CSRNP3: variants seen among roughly 807,000 people sequenced by gnomAD.
CSRNP3 encodes cysteine and serine rich nuclear protein 3.
A neutral mutation model predicts 48.0 loss-of-function variants in CSRNP3; 12 were observed. That is an observed-to-expected ratio of 0.25 (90% CI 0.16 to 0.41). The LOEUF (loss-of-function observed/expected upper bound fraction) is 0.41, where lower values mean the gene tolerates loss of function less well. CSRNP3 is among the 10% of genes least tolerant of loss of function. The pLI is 1.00. For synonymous variants in CSRNP3, 263 were observed against 269.7 expected, an observed-to-expected ratio of 0.98 and a Z score of 0.24; for missense variants, 580 against 724.4, an observed-to-expected ratio of 0.80 and a Z score of 2.29.
chr2:165,506,239 T>C (rs1230109588), intron 2 of CSRNP3, among the ~76,000 whole-genome samples: 1 of 152,200 alleles, frequency 6.6e-6, no homozygotes, highest in Non-Finnish European at 1.5e-5. Flanking sequence ...TCCAACAGTT[T>C]AGATCTCCAG....
At chr2:165,557,454 G>A (rs1006436088) in intron 3 of CSRNP3, among the ~76,000 whole-genome samples, 1 of 152,152 alleles carries the variant, frequency 6.6e-6, no homozygotes, top group African/African-American at 2.4e-5. Flanking sequence ...GGAGTTGAGA[G>A]AGGGAGAAAA....
At chr2:165,556,566 G>A (rs1416481469) in intron 3 of CSRNP3, among the ~76,000 whole-genome samples, 13 of 152,240 alleles carry the variant, frequency 8.5e-5, no homozygotes, top group Admixed American at 7.9e-4. Flanking sequence ...GACCTGCATG[G>A]CAACCAAGAA....
At chr2:165,621,425 T>G (rs1206153143) in intron 4 of CSRNP3, among the ~76,000 whole-genome samples, 1 of 151,620 alleles carries the variant, frequency 6.6e-6, no homozygotes, top group Non-Finnish European at 1.5e-5. Context: ...AACAAAGAAA[T>G]AAAATATGGC....
chr2:165,594,844 T>A (rs1211562332), intron 3 of CSRNP3, among the ~76,000 whole-genome samples, 199 bp from the exon 4 acceptor site: 1 of 152,132 alleles, frequency 6.6e-6, no homozygotes, highest in Non-Finnish European at 1.5e-5. Context: ...GGTAATCAAA[T>A]GGTTAAATAC....
rs1202975305 is a variant in CSRNP3 at position 165,681,755 on chromosome 2, A to G, written c.*2002A>G. The stretch of plus-strand genomic sequence containing the variant: ...TATATATATATATATATATATATAT[A>G]TATATACACACACACACACACATAC... On this transcript the variant is annotated 3_prime_UTR_variant, in exon 7 of 7. Coordinates refer to ENST00000651982, the MANE Select transcript of CSRNP3 (RefSeq NM_001172173.2). 1 of 56,150 alleles carries G rather than the reference A, an allele frequency of 1.8e-5. No individual in the cohort carries two copies. Among genetic ancestry groups the G allele is most frequent in the Non-Finnish European group, 5.0e-5 (1 of 20,030 alleles). The allele number at this position is 56,150 out of a possible 1,614,324, so 3.5% of individuals were successfully genotyped here. A position where few individuals can be genotyped will look rare whatever the true frequency, so the allele number is the denominator to read the frequency against.
At chr2:165,670,012 A>G (rs1386520842) in intron 5 of CSRNP3, among the ~76,000 whole-genome samples, 1 of 152,214 alleles carries the variant, frequency 6.6e-6, no homozygotes, top group Non-Finnish European at 1.5e-5. Flanking sequence ...TCTCTGGATA[A>G]CTGCTATTTA....
intron 3 of CSRNP3, among the ~76,000 whole-genome samples, chr2:165,548,902 G>A (rs1468575491): frequency 2.0e-5 from 3 of 151,288 alleles, no homozygotes; most frequent in Non-Finnish European, 4.4e-5. Flanking sequence ...ACTCCTTTAG[G>A]AATTTCTATT....
chr2:165,654,403 G>A (rs1686968454), intron 4 of CSRNP3, among the ~76,000 whole-genome samples: 1 of 152,108 alleles, frequency 6.6e-6, no homozygotes, highest in Admixed American at 6.6e-5. Flanking sequence ...ATAAATAAAT[G>A]GAAGATTATG....
At position 165,688,886 on chromosome 2, in the gene CSRNP3, TTTA is replaced by T. The variant is rs1687673121; in HGVS notation, c.*9136_*9138del. On this transcript the variant is annotated 3_prime_UTR_variant, in exon 7 of 7. Coordinates refer to ENST00000651982, the MANE Select transcript of CSRNP3 (RefSeq NM_001172173.2). ...GATTAGTTTTATCTTTCAACTGATT[TTTA>T]TTGTTACTTTTACTCAATATCAACA... 6.6e-6 allele frequency: 1 copy of T among 152,188 alleles called. No individual in the cohort carries two copies. Among genetic ancestry groups the T allele is most frequent in the Admixed American group, 6.6e-5 (1 of 15,260 alleles). 9.4% of individuals were successfully genotyped at this position (152,188 alleles called of 1,614,324 possible).
intron 4 of CSRNP3, among the ~76,000 whole-genome samples, chr2:165,608,750 A>G (rs377031635): frequency 6.6e-6 from 1 of 151,072 alleles, no homozygotes; most frequent in East Asian, 2.0e-4. Context: ...TAAAATCCCC[A>G]TATAGATAGC....
rs1337694342 is a variant in CSRNP3 at position 165,676,733 on chromosome 2, A to G, written c.705+125A>G. The G allele has an allele frequency of 2.3e-5, 16 of 701,390 alleles. No individual in the cohort carries two copies. In the East Asian group the frequency reaches 4.2e-4, roughly 18 times the overall value. The allele number at this position is 701,390 out of a possible 1,614,324, so 43.4% of individuals were successfully genotyped here. A position where few individuals can be genotyped will look rare whatever the true frequency, so the allele number is the denominator to read the frequency against. On this transcript the variant is annotated intron_variant, in intron 6 of 6. Transcript: ENST00000651982. ...AGAAAATTTTTTGGCAAGGCAAGAC[A>G]TGTAATTCAGGAAGAAAGACATAAT... is the stretch of plus-strand genomic sequence containing the variant.
intron 3 of CSRNP3, among the ~76,000 whole-genome samples, chr2:165,574,677 G>C (rs991947735): frequency 6.6e-6 from 1 of 152,036 alleles, no homozygotes; most frequent in Non-Finnish European, 1.5e-5. Flanking sequence ...CATTTCGGGG[G>C]TAAGTTCTTT....
At chr2:165,581,747 G>C (rs1031812852) in intron 3 of CSRNP3, among the ~76,000 whole-genome samples, 1 of 152,064 alleles carries the variant, frequency 6.6e-6, no homozygotes, top group African/African-American at 2.4e-5. Context: ...ATGTTGGCCA[G>C]GCTGGTCTCG....
Position 165,595,123 on chromosome 2 carries a change from T to C in CSRNP3, c.58T>C (p.Ser20Pro), listed in dbSNP as rs1208527019. ...EEVDGSSPCS[S>P]VRESDDEVSS... ...AGTTGACGGCTCCTCACCCTGCTCC[T>C]CTGTGAGGGAATCAGATGATGAAGT... Residue 20 changes from serine (S) to proline (P), a missense_variant, in exon 4 of 7, where the codon TCT becomes CCT. Ser to Pro is a moderately conservative substitution (Grantham distance 74). Transcript: ENST00000651982. 6.2e-7 allele frequency: 1 copy of C among 1,614,040 alleles called. No individual in the cohort carries two copies. Among genetic ancestry groups the C allele is most frequent in the Non-Finnish European group, 8.5e-7 (1 of 1,179,894 alleles).
At chr2:165,480,147 T>C (rs2105447986) in intron 1 of CSRNP3, among the ~76,000 whole-genome samples, 1 of 152,284 alleles carries the variant, frequency 6.6e-6, no homozygotes, top group East Asian at 1.9e-4. Context: ...TGTGACCCTT[T>C]CCTACTTCAC....
In CSRNP3 at chr2:165,678,851, C is replaced by G. The variant is rs1477277696; in HGVS notation, c.856C>G (p.Pro286Ala). 3.7e-6 allele frequency: 6 copies of G among 1,613,928 alleles called. No homozygotes were observed. The South Asian group carries it at 6.6e-5, about 18-fold the overall frequency. ...GGAGAAAAACCGAGAGCAGCAAATC[C>G]CCACGCTGAATGGCTGCCACAGTGA... ...ELEKNREQQI[P>A]TLNGCHSEIS... The change falls in exon 7 of 7, where the codon CCC (proline) becomes GCC (alanine). Residue 286 changes from proline to alanine, a missense_variant. Pro to Ala is a conservative substitution (Grantham distance 27). Transcript: ENST00000651982.
At chr2:165,559,303 C>A (rs890170142) in intron 3 of CSRNP3, among the ~76,000 whole-genome samples, 6 of 152,152 alleles carry the variant, frequency 3.9e-5, no homozygotes, top group African/African-American at 7.2e-5. Flanking sequence ...TACAGTCTCT[C>A]AACTGTTGAT....
chr2:165,483,252 A>G (rs1044671503), intron 1 of CSRNP3, among the ~76,000 whole-genome samples: 8 of 152,096 alleles, frequency 5.3e-5, no homozygotes, highest in Non-Finnish European at 1.0e-4. Context: ...AGGCCGTTGC[A>G]GGGGATCCAT....
chr2:165,591,489 G>C (rs1164385434), intron 3 of CSRNP3, among the ~76,000 whole-genome samples: 2 of 152,124 alleles, frequency 1.3e-5, no homozygotes, highest in Non-Finnish European at 2.9e-5. Context: ...TGTCTCCAGG[G>C]CATGTCAGAG....
Sources: gnomAD v4.1 joint callset for allele counts (sites outside exome capture counted in the v4.1 genomes callset) on GRCh38, gnomAD v4.1.1 for gene constraint, MANE v1.5 for transcripts, NCBI Gene and HGNC (gene_info 2026-07-23, HGNC 2026-07-21) for gene names.